Variants in AIG1 observed in about 807,000 individuals in gnomAD.
AIG1 encodes androgen-induced gene 1 protein.
A neutral mutation model predicts 31.4 loss-of-function variants in AIG1; 23 were observed. That is an observed-to-expected ratio of 0.73 (90% CI 0.53 to 1.04). AIG1 has a LOEUF of 1.04. Among genes scored for constraint, AIG1 ranks in the 50% least tolerant of loss-of-function variants. The pLI is 0.00. For synonymous variants in AIG1, 100 were observed against 110.5 expected (o/e 0.90, Z 0.60); for missense variants, 274 against 295.0 (o/e 0.93, Z 0.52).
chr6:143,323,479 C>T (rs1236453349), intron 4 of AIG1, among the ~76,000 whole-genome samples: 5 of 152,088 alleles, frequency 3.3e-5, no homozygotes, highest in African/African-American at 1.2e-4. Flanking sequence ...ATACTGTAAA[C>T]CCACTGTATA....
At chr6:143,149,532 CAAAAAAA>C (rs71767812) in intron 2 of AIG1, among the ~76,000 whole-genome samples, 149 of 40,006 alleles carry the variant, frequency 3.7e-3, no homozygotes, top group Non-Finnish European at 7.2e-3. Context: ...GACTCTGTCT[CAAAAAAA>C]AAAAAAAAAA....
At chr6:143,076,736 G>A (rs914115644) in intron 1 of AIG1, among the ~76,000 whole-genome samples, 6 of 149,300 alleles carry the variant, frequency 4.0e-5, no homozygotes, top group Admixed American at 6.7e-5. Flanking sequence ...GCAGTGGCAC[G>A]ATCTCAGCTC....
chr6:143,066,732 AGG>A (rs1345228079), intron 1 of AIG1, among the ~76,000 whole-genome samples: 1 of 152,242 alleles, frequency 6.6e-6, no homozygotes, highest in Non-Finnish European at 1.5e-5. Flanking sequence ...AATAATCTTC[AGG>A]GCAACTAAGG....
intron 1 of AIG1, among the ~76,000 whole-genome samples, chr6:143,074,842 T>A (rs1385488917): frequency 6.6e-6 from 1 of 152,216 alleles, no homozygotes; most frequent in African/African-American, 2.4e-5. Context: ...TTTTATTGTT[T>A]TTGGCTTTGA....
At chr6:143,118,178 C>T (rs532722208) in intron 1 of AIG1, among the ~76,000 whole-genome samples, 6 of 152,200 alleles carry the variant, frequency 3.9e-5, no homozygotes, top group South Asian at 2.1e-4. Context: ...ACATCATGCC[C>T]GGTGAGCACA....
intron 3 of AIG1, among the ~76,000 whole-genome samples, chr6:143,195,375 G>T (rs1465609857): frequency 6.6e-6 from 1 of 152,192 alleles, no homozygotes; most frequent in African/African-American, 2.4e-5. Flanking sequence ...AAGAAGCAAG[G>T]CTAAGTTGTG....
intron 1 of AIG1, among the ~76,000 whole-genome samples, chr6:143,114,232 A>C (rs1023274110): frequency 2.0e-5 from 3 of 152,222 alleles, no homozygotes; most frequent in African/African-American, 7.2e-5. Context: ...ATCTGTTTTC[A>C]AAAATCTTGT....
intron 1 of AIG1, among the ~76,000 whole-genome samples, chr6:143,118,230 G>A (rs1781904502): frequency 6.6e-6 from 1 of 152,152 alleles, no homozygotes; most frequent in Non-Finnish European, 1.5e-5. Context: ...GGAGGCCAAG[G>A]CAGTCAGATC....
chr6:143,102,963 G>A (rs1312034508), intron 1 of AIG1, among the ~76,000 whole-genome samples: 2 of 152,142 alleles, frequency 1.3e-5, no homozygotes, highest in African/African-American at 4.8e-5. Context: ...AAAATCTAGT[G>A]TACATATATA....
chr6:143,252,026 A>G (rs1233798017), intron 3 of AIG1, among the ~76,000 whole-genome samples: 1 of 152,146 alleles, frequency 6.6e-6, no homozygotes, highest in Non-Finnish European at 1.5e-5. Flanking sequence ...TGTCTCTTGG[A>G]AAGCAGATAT....
At chr6:143,322,124 T>G (rs1355559814) in intron 4 of AIG1, among the ~76,000 whole-genome samples, 2 of 151,662 alleles carry the variant, frequency 1.3e-5, no homozygotes, top group Non-Finnish European at 2.9e-5. Flanking sequence ...GTCTGGAAAT[T>G]TGCTCTTTAT....
At chr6:143,306,289 G>C (rs555549449) in intron 4 of AIG1, among the ~76,000 whole-genome samples, 1 of 152,062 alleles carries the variant, frequency 6.6e-6, no homozygotes, top group Non-Finnish European at 1.5e-5. Context: ...TGGTTATTTT[G>C]CTCATTAGTT....
chr6:143,310,655 C>T (rs1021956313), intron 4 of AIG1, among the ~76,000 whole-genome samples: 1 of 149,722 alleles, frequency 6.7e-6, no homozygotes, highest in African/African-American at 2.4e-5. Flanking sequence ...CAATAAAAGC[C>T]AAGGCTGATT....
chr6:143,078,255 A>G (rs1032550747), intron 1 of AIG1, among the ~76,000 whole-genome samples: 6 of 152,100 alleles, frequency 3.9e-5, no homozygotes, highest in East Asian at 1.9e-4. Context: ...ATTAATTTCT[A>G]TCTTTCATTC....
intron 3 of AIG1, among the ~76,000 whole-genome samples, chr6:143,215,344 C>T (rs966317331): frequency 6.6e-6 from 1 of 152,102 alleles, no homozygotes; most frequent in African/African-American, 2.4e-5. Flanking sequence ...CTGGTGCTAG[C>T]CTAACTCAGC....
At chr6:143,211,398 A>G (rs1348656959) in intron 3 of AIG1, among the ~76,000 whole-genome samples, 1 of 152,114 alleles carries the variant, frequency 6.6e-6, no homozygotes, top group Admixed American at 6.5e-5. Context: ...GACATGGACC[A>G]CAGGATCCTG....
chr6:143,201,914 G>T (rs762064613), intron 3 of AIG1, among the ~76,000 whole-genome samples: 2 of 152,130 alleles, frequency 1.3e-5, no homozygotes, highest in Non-Finnish European at 2.9e-5. Context: ...CGTTTTTTCT[G>T]TACCTTCTTC....
intron 3 of AIG1, among the ~76,000 whole-genome samples, chr6:143,201,298 G>A (rs1351942723): frequency 6.6e-6 from 1 of 151,722 alleles, no homozygotes; most frequent in African/African-American, 2.4e-5. Flanking sequence ...GTTCGAGACT[G>A]TAGTGAGCTA....
intron 3 of AIG1, among the ~76,000 whole-genome samples, chr6:143,226,716 A>C (rs1380932969): frequency 6.6e-6 from 1 of 152,200 alleles, no homozygotes; most frequent in Admixed American, 6.5e-5. Context: ...AGGCCTCAGA[A>C]TTAGCATAAT....
Sources: allele counts gnomAD v4.1 joint callset (sites outside exome capture counted in the v4.1 genomes callset), GRCh38; gene constraint gnomAD v4.1.1; transcripts MANE v1.5; gene names NCBI Gene and HGNC (gene_info 2026-07-23, HGNC 2026-07-21).